SLC41A3: variants seen among roughly 807,000 people sequenced by gnomAD.
The protein encoded by SLC41A3 is solute carrier family 41 member 3, also known as SLC41A1-like 2.
SLC41A3 carries 44 observed loss-of-function variants against 45.4 expected under a neutral mutation model. The observed-to-expected ratio is 0.97, with a 90% CI of 0.76 to 1.25. The LOEUF is 1.25. Among genes scored for constraint, SLC41A3 ranks in the 50% most tolerant of loss-of-function variants. The pLI is 0.00. For missense variants in SLC41A3, 550 were observed against 600.6 expected, an observed-to-expected ratio of 0.92 and a Z score of 0.88; for synonymous variants, 256 against 252.4, an observed-to-expected ratio of 1.01 and a Z score of -0.13.
intron 1 of SLC41A3, among the ~76,000 whole-genome samples, chr3:126,068,725 G>T (rs1944474584): frequency 6.6e-6 from 1 of 152,150 alleles, no homozygotes; most frequent in Non-Finnish European, 1.5e-5. Context: ...CTCTGCCCTA[G>T]CCTTGAAAAT....
At chr3:126,096,995 T>C (rs936103839) in intron 1 of SLC41A3, among the ~76,000 whole-genome samples, 1 of 152,208 alleles carries the variant, frequency 6.6e-6, no homozygotes, top group African/African-American at 2.4e-5. Flanking sequence ...AATGGAAGTT[T>C]ATTTAAGAAG....
Position 126,022,931 on chromosome 3 carries a change from C to A in SLC41A3, c.600G>T (p.Gly200=), listed in dbSNP as rs773351727. The change falls in exon 6 of 11, where the codon GGG becomes GGT. Residue 200 remains glycine (G), a splice_region_variant and synonymous_variant. Transcript: ENST00000360370. ...LTAFLAAFAL[G]VLMVCIVIGA... is the part of the protein sequence containing the mutation. The stretch of plus-strand genomic sequence containing the variant: ...CAATCACTATACAGACCATCAGCAC[C>A]CCTGCAGAGAGAGAGAGGAGAAACA... 3 of 1,613,898 alleles carry A rather than the reference C, an allele frequency of 1.9e-6. No individual in the cohort carries two copies. The African/African-American group carries it at 4.0e-5, about 22-fold the overall frequency.
upstream of SLC41A3, among the ~76,000 whole-genome samples, chr3:126,084,808 C>A (rs1274107049): frequency 3.3e-5 from 5 of 152,176 alleles, no homozygotes; most frequent in Non-Finnish European, 5.9e-5. Context: ...TTCCCAACCA[C>A]CAAATCATCC....
intron 9 of SLC41A3, among the ~76,000 whole-genome samples, chr3:126,010,645 C>T (rs1939611023): frequency 6.6e-6 from 1 of 152,252 alleles, no homozygotes; most frequent in South Asian, 2.1e-4. Context: ...GGTGGGACCA[C>T]CATCATCTCC....
At position 126,020,784 on chromosome 3, in the gene SLC41A3, T is replaced by A. The variant is rs75557187; in HGVS notation, c.745+2002A>T. 6.6e-5 allele frequency among the ~76,000 whole-genome samples: 10 copies of A among 152,322 alleles called. No individual in the cohort carries two copies. The East Asian group carries it at 1.9e-3, about 29-fold the overall frequency. On this transcript the variant is annotated intron_variant, in intron 6 of 10. Transcript: ENST00000360370. ...TTCCTCTCTGCAAATAACAACTGTCTCCACAATCCTTTTTCTTAACACAGA... is the reference window on the plus strand; with the variant it reads ...TTCCTCTCTGCAAATAACAACTGTCACCACAATCCTTTTTCTTAACACAGA...
At position 126,060,439 on chromosome 3, in the gene SLC41A3, T is replaced by TACACACACACACACACACACACACAC. The variant is rs60317078; in HGVS notation, c.273+7507_273+7508insGTGTGTGTGTGTGTGTGTGTGTGTGT. On this transcript the variant is annotated intron_variant, in intron 2 of 10. Coordinates refer to ENST00000360370, the MANE Select transcript of SLC41A3 (RefSeq NM_017836.4). ...TGTCTCAAAAAAAAAGTGAGAAGGA[T>TACACACACACACACACACACACACAC]ACACACACACACACACACACACGTG... Among the ~76,000 whole-genome samples, 407 of 146,400 alleles carry TACACACACACACACACACACACACAC rather than the reference T, an allele frequency of 2.8e-3. 1 individual carries two copies. The highest frequency in any genetic ancestry group is 3.5e-3 in the African/African-American group (139 of 39,426).
upstream of SLC41A3, among the ~76,000 whole-genome samples, chr3:126,085,799 A>ACTGGGGGCCTTGTGGGAGTGT: frequency 7.7e-6 from 1 of 129,816 alleles, no homozygotes; most frequent in Non-Finnish European, 1.6e-5. Context: ...CTCCTGGGTG[A>ACTGGGGGCCTTGTGGGAGTGT]CTGGGGGCCT....
intron 3 of SLC41A3, among the ~76,000 whole-genome samples, chr3:126,040,304 G>A (rs1180562843): frequency 6.6e-5 from 10 of 152,162 alleles, no homozygotes; most frequent in African/African-American, 7.2e-5. Context: ...CTAGCATTGA[G>A]GAGATCGTTT....
intron 1 of SLC41A3, among the ~76,000 whole-genome samples, chr3:126,083,593 T>C (rs1369678728): frequency 6.6e-6 from 1 of 152,016 alleles, no homozygotes; most frequent in African/African-American, 2.4e-5. Context: ...GCGGGAGGTC[T>C]GGCTGAGGCA....
chr3:126,041,698 TA>T (rs1942605927), intron 3 of SLC41A3, among the ~76,000 whole-genome samples: 1 of 152,214 alleles, frequency 6.6e-6, no homozygotes. Context: ...AAACAATTAC[TA>T]GAGGATGTAC....
chr3:126,045,356 C>CA (rs35447492), intron 3 of SLC41A3, among the ~76,000 whole-genome samples: 23,318 of 145,252 alleles, frequency 0.16, 2,042 homozygotes, highest in Middle Eastern at 0.22. Flanking sequence ...ATTGGTTCCT[C>CA]AAAAAAAAAA....
chr3:126,006,925 T>C lies in SLC41A3; in HGVS notation c.*91A>G, dbSNP rs574450147. 1.3e-6 allele frequency: 2 copies of C among 1,579,702 alleles called. No individual in the cohort carries two copies. Among genetic ancestry groups the C allele is most frequent in the East Asian group, 2.2e-5 (1 of 44,680 alleles). On this transcript the variant is annotated 3_prime_UTR_variant, in exon 11 of 11. Coordinates refer to ENST00000360370, the MANE Select transcript of SLC41A3 (RefSeq NM_017836.4). ...CTACTGCAGAGGCAGGGGTCAACCA[T>C]CCCAAGGACCTGGCAAGGGAGAAAC... is the stretch of plus-strand genomic sequence containing the variant.
intron 1 of SLC41A3, chr3:126,095,204 C>T (rs552287540): frequency 1.2e-5 from 8 of 689,484 alleles, no homozygotes; most frequent in East Asian, 1.1e-4. Flanking sequence ...AATCAACAGC[C>T]GATTTGGATA....
intron 9 of SLC41A3, among the ~76,000 whole-genome samples, chr3:126,012,345 C>T (rs1403216107): frequency 6.6e-6 from 1 of 152,186 alleles, no homozygotes; most frequent in Non-Finnish European, 1.5e-5. Flanking sequence ...CCCTTCTATA[C>T]TGTGTACTTC....
chr3:126,030,096 T>C (rs1941683062), intron 4 of SLC41A3, among the ~76,000 whole-genome samples: 1 of 148,058 alleles, frequency 6.8e-6, no homozygotes, highest in South Asian at 2.1e-4. Flanking sequence ...ATAATACATA[T>C]GTAATATATA....
At position 126,068,086 on chromosome 3, in the gene SLC41A3, C is replaced by G. The variant is rs1485900075; in HGVS notation, c.134G>C (p.Ser45Thr). 1.2e-6 allele frequency: 2 copies of G among 1,613,724 alleles called. No individual in the cohort carries two copies. Among genetic ancestry groups the G allele is most frequent in the Non-Finnish European group, 1.7e-6 (2 of 1,179,974 alleles). ...SEDGALRAPE[S>T]QSVTPKPLET... is the part of the protein sequence containing the mutation. Reference sequence around the variant, plus strand: ...CAGTGGCTTGGGGGTCACGCTTTGGCTCTCAGGGGCCCTGAGAGCTCCATC... The same window carrying G: ...CAGTGGCTTGGGGGTCACGCTTTGGGTCTCAGGGGCCCTGAGAGCTCCATC... Residue 45 changes from serine to threonine, a missense_variant, in exon 2 of 11, where the codon AGC becomes ACC. Physicochemically the swap from Ser to Thr is moderately conservative, Grantham distance 58. Coordinates refer to ENST00000360370, the MANE Select transcript of SLC41A3 (RefSeq NM_017836.4).
chr3:126,071,371 C>T (rs553992631), intron 1 of SLC41A3, among the ~76,000 whole-genome samples: 15 of 152,178 alleles, frequency 9.9e-5, no homozygotes, highest in East Asian at 7.7e-4. Flanking sequence ...CAATTACAAA[C>T]GTACATATGC....
chr3:126,080,793 T>C (rs1446505542), intron 1 of SLC41A3, among the ~76,000 whole-genome samples: 2 of 152,058 alleles, frequency 1.3e-5, no homozygotes, highest in South Asian at 2.1e-4. Flanking sequence ...TCTACTAAAA[T>C]ACAAAAAATT....
intron 6 of SLC41A3, among the ~76,000 whole-genome samples, chr3:126,022,253 C>A (rs1391884727): frequency 6.6e-6 from 1 of 152,222 alleles, no homozygotes; most frequent in East Asian, 1.9e-4. Context: ...CCGCTGGTAA[C>A]AATATTATCT....
Sources: allele counts gnomAD v4.1 joint callset (sites outside exome capture counted in the v4.1 genomes callset), GRCh38; gene constraint gnomAD v4.1.1; transcripts MANE v1.5; gene names NCBI Gene and HGNC (gene_info 2026-07-23, HGNC 2026-07-21).